Variants in RNF128 observed in about 807,000 individuals in gnomAD.
The protein encoded by RNF128 is ring finger protein 128.
RNF128 carries 13 observed loss-of-function variants against 26.2 expected under a neutral mutation model. The observed-to-expected ratio is 0.50, with a 90% CI of 0.32 to 0.79. The LOEUF (loss-of-function observed/expected upper bound fraction) is 0.79. Among genes scored for constraint, RNF128 ranks in the 30% least tolerant of loss-of-function variants. The pLI is 0.03. For synonymous variants in RNF128, 149 were observed against 142.5 expected, an observed-to-expected ratio of 1.05 and a Z score of -0.32; for missense variants, 315 against 349.7, an observed-to-expected ratio of 0.90 and a Z score of 0.79.
rs376568120 is a variant in RNF128 at position 106,791,082 on chromosome X, G to T, written c.1001G>T (p.Gly334Val). ...TCTTTAAAGGTGGATGTTGAAGATG[G>T]ATCAGTGTCTTTACAAGTCCCTGTA... ...ALGIEVDVEDGSVSLQVPVSN... is the reference protein window; with the variant it reads ...ALGIEVDVEDVSVSLQVPVSN... Residue 334 changes from glycine (G) to valine (V), a missense_variant, in exon 6 of 7, where the codon GGA becomes GTA. Transcript: ENST00000255499. 1.2e-4 allele frequency: 146 copies of T among 1,204,923 alleles called. No homozygotes were observed. Among genetic ancestry groups the T allele is most frequent in the Non-Finnish European group, 1.2e-4 (108 of 892,010 alleles).
chrX:106,717,631 T>C (rs778041011), intron 1 of RNF128, among the ~76,000 whole-genome samples: 26 of 112,413 alleles, frequency 2.3e-4, no homozygotes, highest in African/African-American at 8.1e-4. Context: ...ATAGAGCAGA[T>C]GAATTTTATT....
At chrX:106,764,817 A>G (rs1930187139) in intron 1 of RNF128, among the ~76,000 whole-genome samples, 1 of 112,572 alleles carries the variant, frequency 8.9e-6, no homozygotes, top group South Asian at 3.7e-4. Flanking sequence ...AATATCGGAA[A>G]TGAATGCTAC....
intron 1 of RNF128, among the ~76,000 whole-genome samples, chrX:106,707,548 A>G (rs1569435074): frequency 9.0e-6 from 1 of 110,509 alleles, no homozygotes; most frequent in South Asian, 3.8e-4. Context: ...TATTTTTTAA[A>G]TTTTCTTTTG....
chrX:106,788,286 A>T (rs1602392550), intron 4 of RNF128, among the ~76,000 whole-genome samples: 1 of 67,484 alleles, frequency 1.5e-5, no homozygotes, highest in Non-Finnish European at 2.6e-5. Context: ...TTATATATAT[A>T]TTATATATAG....
intron 1 of RNF128, among the ~76,000 whole-genome samples, chrX:106,709,531 C>T (rs1428571221): frequency 9.0e-6 from 1 of 110,769 alleles, no homozygotes; most frequent in Non-Finnish European, 1.9e-5. Flanking sequence ...TTACTTGGAA[C>T]ATTTTTAACT....
chrX:106,705,063 A>G (rs1377537603), intron 1 of RNF128, among the ~76,000 whole-genome samples: 4 of 111,765 alleles, frequency 3.6e-5, no homozygotes, highest in Non-Finnish European at 5.6e-5. Flanking sequence ...TGTAGATCAC[A>G]GGGATGGAGA....
chrX:106,714,283 A>G (rs1191891294), intron 1 of RNF128, among the ~76,000 whole-genome samples: 2 of 111,867 alleles, frequency 1.8e-5, no homozygotes, highest in African/African-American at 6.5e-5. Flanking sequence ...ATGTTTTAAG[A>G]AAATATGCAA....
chrX:106,704,169 C>T (rs1018401430), intron 1 of RNF128, among the ~76,000 whole-genome samples: 2 of 110,317 alleles, frequency 1.8e-5, no homozygotes, highest in Admixed American at 1.9e-4. Flanking sequence ...GGCGCGGTGG[C>T]TCACGCCTGT....
chrX:106,729,844 G>T (rs946961530), intron 1 of RNF128, among the ~76,000 whole-genome samples: 1 of 112,119 alleles, frequency 8.9e-6, no homozygotes, highest in African/African-American at 3.2e-5. Context: ...TATATTGTTT[G>T]CTTTACTCAT....
chrX:106,705,537 G>C (rs1021211719), intron 1 of RNF128, among the ~76,000 whole-genome samples: 2 of 112,381 alleles, frequency 1.8e-5, no homozygotes, highest in Non-Finnish European at 3.8e-5. Flanking sequence ...ATTGTAAATT[G>C]AGTTCTTTTC....
chrX:106,758,753 G>T (rs946528668), intron 1 of RNF128, among the ~76,000 whole-genome samples: 22 of 111,413 alleles, frequency 2.0e-4, no homozygotes, highest in African/African-American at 6.2e-4. Context: ...AACTAGACCC[G>T]TATCTCCTGC....
At chrX:106,788,909 A>G in intron 4 of RNF128, among the ~76,000 whole-genome samples, 1 of 71,144 alleles carries the variant, frequency 1.4e-5, no homozygotes, top group South Asian at 7.7e-4. Flanking sequence ...TATATACTAT[A>G]TACTGAGTAT....
At chrX:106,743,858 G>GTCCAACAA (rs1351610143) in intron 1 of RNF128, among the ~76,000 whole-genome samples, 1 of 111,435 alleles carries the variant, frequency 9.0e-6, no homozygotes, top group East Asian at 2.8e-4. Flanking sequence ...CAACCCAAAT[G>GTCCAACAA]TCCAACAATG....
At chrX:106,704,243 A>G (rs369535012) in intron 1 of RNF128, among the ~76,000 whole-genome samples, 106 of 109,509 alleles carry the variant, frequency 9.7e-4, no homozygotes, top group African/African-American at 2.5e-3. Flanking sequence ...AAACCATCCT[A>G]GCTAATACGG....
Position 106,791,157 on chromosome X carries a change from G to A in RNF128, c.1076G>A (p.Ser359Asn). The A allele has an allele frequency of 8.3e-7, 1 of 1,209,722 alleles. No individual in the cohort carries two copies. The highest frequency in any genetic ancestry group is 1.1e-6 in the Non-Finnish European group (1 of 894,197). The stretch of plus-strand genomic sequence containing the variant: ...TCCTCCCATGAAGAGGATAATCGCA[G>A]CGAGACCGCATCATCTGGATATGCT... ...SASSHEEDNR[S>N]ETASSGYASV... The change falls in exon 6 of 7, where the codon AGC becomes AAC. Residue 359 changes from serine to asparagine, a missense_variant. By Grantham distance (46) the Ser-to-Asn change is conservative. Transcript: ENST00000255499.
chrX:106,783,803 A>G (rs1040734409), intron 2 of RNF128, among the ~76,000 whole-genome samples: 1 of 111,193 alleles, frequency 9.0e-6, no homozygotes, highest in Non-Finnish European at 1.9e-5. Context: ...TCTACCTATC[A>G]TGGCAGAAAG....
intron 1 of RNF128, among the ~76,000 whole-genome samples, chrX:106,755,909 G>A (rs1041083948): frequency 1.8e-5 from 2 of 110,753 alleles, no homozygotes; most frequent in Non-Finnish European, 3.8e-5. Context: ...AAATCAATGT[G>A]CAAAAATCAC....
Position 106,795,849 on chromosome X carries a change from T to C in RNF128, c.*136T>C. 1 of 451,425 alleles carries C rather than the reference T, an allele frequency of 2.2e-6. No individual in the cohort carries two copies. The highest frequency in any genetic ancestry group is 4.4e-5 in the East Asian group (1 of 22,538). The allele number at this position is 451,425 out of a possible 1,213,427, so 37.2% of individuals were successfully genotyped here. A position where few individuals can be genotyped will look rare whatever the true frequency, so the allele number is the denominator to read the frequency against. ...AGTGCTCAGATGACTAATATTATGC[T>C]ATAGTTAAATGGCTTAAAATATTTA... On this transcript the variant is annotated 3_prime_UTR_variant, in exon 7 of 7. Coordinates refer to ENST00000255499, the MANE Select transcript of RNF128 (RefSeq NM_194463.2).
At chrX:106,763,543 G>A (rs1377649716) in intron 1 of RNF128, among the ~76,000 whole-genome samples, 1 of 112,959 alleles carries the variant, frequency 8.9e-6, no homozygotes, top group Non-Finnish European at 1.9e-5. Context: ...GTCTCGCTCT[G>A]TCGTCCAGGC....
Sources: gnomAD v4.1 joint callset for allele counts (sites outside exome capture counted in the v4.1 genomes callset) on GRCh38, gnomAD v4.1.1 for gene constraint, MANE v1.5 for transcripts, NCBI Gene and HGNC (gene_info 2026-07-23, HGNC 2026-07-21) for gene names.